Variants in SH3RF3 observed in about 807,000 individuals in gnomAD.
The protein encoded by SH3RF3 is SH3 domain containing ring finger 3.
In SH3RF3, 29 loss-of-function variants were observed where a neutral mutation model predicts 66.3. The observed-to-expected ratio is 0.44, with a 90% CI of 0.33 to 0.60. The LOEUF (loss-of-function observed/expected upper bound fraction) is 0.60. Among genes scored for constraint, SH3RF3 ranks in the 20% least tolerant of loss-of-function variants. The pLI, the probability that SH3RF3 is intolerant of heterozygous loss-of-function variation, is 0.04. For synonymous variants in SH3RF3, 583 were observed against 532.0 expected (o/e 1.10, Z -1.32); for missense variants, 1,194 against 1,190.9 (o/e 1.00, Z -0.04).
chr2:109,495,839 A>G (rs1679245159), intron 9 of SH3RF3, among the ~76,000 whole-genome samples: 1 of 152,104 alleles, frequency 6.6e-6, no homozygotes, highest in Admixed American at 6.5e-5. Flanking sequence ...TAAAATGGGG[A>G]TAATAATACA....
chr2:109,170,957 T>TGAGGCACA (rs1677767045), intron 1 of SH3RF3, among the ~76,000 whole-genome samples: 1 of 152,166 alleles, frequency 6.6e-6, no homozygotes, highest in Non-Finnish European at 1.5e-5. Context: ...GGCTGGGTGC[T>TGAGGCACA]GAGGCACAGA....
At chr2:109,402,448 A>T (rs1573223434) in intron 4 of SH3RF3, among the ~76,000 whole-genome samples, 1 of 152,246 alleles carries the variant, frequency 6.6e-6, no homozygotes, top group African/African-American at 2.4e-5. Flanking sequence ...TCATGGGCTC[A>T]TCCACAAACA....
intron 6 of SH3RF3, among the ~76,000 whole-genome samples, chr2:109,434,368 C>G (rs1677338953): frequency 6.6e-6 from 1 of 152,246 alleles, no homozygotes; most frequent in Non-Finnish European, 1.5e-5. Context: ...CAGTTTCTCT[C>G]CTCTGATTCT....
At chr2:109,222,941 G>A (rs1574513059) in intron 1 of SH3RF3, among the ~76,000 whole-genome samples, 1 of 152,248 alleles carries the variant, frequency 6.6e-6, no homozygotes, top group Admixed American at 6.5e-5. Context: ...ACCTGCCCCT[G>A]CCTGGGGCTA....
rs188523505 is a variant in SH3RF3 at position 109,446,738 on chromosome 2, T to C, written c.1829-2432T>C. On this transcript the variant is annotated intron_variant, in intron 7 of 9. Transcript: ENST00000309415. ...TGGCTGAGGGGAGAGTATTAGGAGG[T>C]GAGGTTGGAGCTTGCTGGAACACAC... is the stretch of plus-strand genomic sequence containing the variant. 2.2e-3 allele frequency among the ~76,000 whole-genome samples: 334 copies of C among 148,984 alleles called. 1 individual carries two copies. The highest frequency in any genetic ancestry group is 3.6e-3 in the Non-Finnish European group (244 of 66,930).
At chr2:109,308,836 A>G (rs1681659700) in intron 1 of SH3RF3, among the ~76,000 whole-genome samples, 1 of 60,008 alleles carries the variant, frequency 1.7e-5, no homozygotes, top group Non-Finnish European at 2.6e-5. Context: ...GCCTTGTAGT[A>G]TAGTTTGAAG....
chr2:109,402,367 C>T (rs370698896), intron 4 of SH3RF3, among the ~76,000 whole-genome samples: 1 of 152,246 alleles, frequency 6.6e-6, no homozygotes, highest in East Asian at 1.9e-4. Context: ...GAGCCCAGGC[C>T]CAGGATTCTG....
At chr2:109,474,211 G>T (rs1678611395) in intron 8 of SH3RF3, among the ~76,000 whole-genome samples, 1 of 152,176 alleles carries the variant, frequency 6.6e-6, no homozygotes, top group Non-Finnish European at 1.5e-5. Flanking sequence ...GCCATGCAGT[G>T]GCTCTCTAGG....
intron 3 of SH3RF3, among the ~76,000 whole-genome samples, chr2:109,380,932 G>GA (rs942218259): frequency 1.3e-5 from 2 of 152,254 alleles, no homozygotes; most frequent in African/African-American, 4.8e-5. Flanking sequence ...AGCCTTGCCA[G>GA]AAAGAAGCTG....
In SH3RF3 at chr2:109,235,676, C is replaced by T. The variant is rs538192293; in HGVS notation, c.573+105563C>T. Among the ~76,000 whole-genome samples, 27 of 152,280 alleles carry T rather than the reference C, an allele frequency of 1.8e-4. 1 individual carries two copies. The East Asian group carries it at 2.9e-3, about 16-fold the overall frequency. ...ATTAGAGGGAGAGAGGGAGAGTGTACGTGTCTACCAACATAAAGATTGAAG... is the reference window on the plus strand; with the variant it reads ...ATTAGAGGGAGAGAGGGAGAGTGTATGTGTCTACCAACATAAAGATTGAAG... On this transcript the variant is annotated intron_variant, in intron 1 of 9. Transcript: ENST00000309415.
At chr2:109,295,151 G>T (rs556076687) in intron 1 of SH3RF3, among the ~76,000 whole-genome samples, 1 of 152,330 alleles carries the variant, frequency 6.6e-6, no homozygotes, top group South Asian at 2.1e-4. Context: ...GAGCACCCAC[G>T]CCTGGCCTGC....
At chr2:109,356,998 G>A (rs1314931900) in intron 2 of SH3RF3, among the ~76,000 whole-genome samples, 1 of 152,076 alleles carries the variant, frequency 6.6e-6, no homozygotes, top group African/African-American at 2.4e-5. Context: ...TGCTAGCACT[G>A]AATGCAACAT....
intron 1 of SH3RF3, among the ~76,000 whole-genome samples, chr2:109,184,503 C>T (rs1678142485): frequency 6.6e-6 from 1 of 152,124 alleles, no homozygotes; most frequent in Admixed American, 6.5e-5. Flanking sequence ...GCTCACTGCT[C>T]AGAGTCCTGT....
chr2:109,477,320 G>A (rs766100749), intron 8 of SH3RF3, among the ~76,000 whole-genome samples: 3 of 152,094 alleles, frequency 2.0e-5, no homozygotes, highest in Non-Finnish European at 4.4e-5. Flanking sequence ...AGACCATGCC[G>A]CTCCCTGCCC....
chr2:109,384,378 C>T (rs964215504), intron 3 of SH3RF3, among the ~76,000 whole-genome samples: 1 of 152,000 alleles, frequency 6.6e-6, no homozygotes, highest in Admixed American at 6.6e-5. Flanking sequence ...TTCCTGTCAG[C>T]GCTCGGGACT....
intron 1 of SH3RF3, among the ~76,000 whole-genome samples, chr2:109,239,821 C>A (rs1256057495): frequency 6.6e-6 from 1 of 152,204 alleles, no homozygotes; most frequent in Non-Finnish European, 1.5e-5. Context: ...TGCCTTTCAT[C>A]CCCACAGCTC....
rs1264753402 is a variant in SH3RF3 at position 109,503,042 on chromosome 2, C to G, written c.*1371C>G. The G allele has an allele frequency of 6.6e-6, 1 of 152,170 alleles. No individual in the cohort carries two copies. Among genetic ancestry groups the G allele is most frequent in the Non-Finnish European group, 1.5e-5 (1 of 68,040 alleles). The allele number at this position is 152,170 out of a possible 1,614,324, so 9.4% of individuals were successfully genotyped here. ...GAGAGGAGGAGGTGCAGCTTTGATG[C>G]TGGGACCTCCCTGAGTGGGGCTGAT... is the stretch of plus-strand genomic sequence containing the variant. On this transcript the variant is annotated 3_prime_UTR_variant, in exon 10 of 10. Coordinates refer to ENST00000309415, the MANE Select transcript of SH3RF3 (RefSeq NM_001099289.3).
chr2:109,490,229 T>C (rs951730887), intron 8 of SH3RF3, among the ~76,000 whole-genome samples: 1 of 152,192 alleles, frequency 6.6e-6, no homozygotes, highest in African/African-American at 2.4e-5. Flanking sequence ...ATAGAAATAA[T>C]GTCAGTCTTC....
At chr2:109,211,023 T>C (rs1431051627) in intron 1 of SH3RF3, among the ~76,000 whole-genome samples, 3 of 152,172 alleles carry the variant, frequency 2.0e-5, no homozygotes, top group Non-Finnish European at 4.4e-5. Flanking sequence ...GGCACACGGG[T>C]TGATGACAGC....
Sources: gnomAD v4.1 joint callset for allele counts (sites outside exome capture counted in the v4.1 genomes callset) on GRCh38, gnomAD v4.1.1 for gene constraint, MANE v1.5 for transcripts, NCBI Gene and HGNC (gene_info 2026-07-23, HGNC 2026-07-21) for gene names.